CSNK2A2IP: variants seen among roughly 807,000 people sequenced by gnomAD.
CSNK2A2IP encodes casein kinase 2 subunit alpha' interacting protein, also known as casein kinase II subunit alpha'-interacting protein.
the CSNK2A2IP span, among the ~76,000 whole-genome samples, chr3:88,408,078 G>T: frequency 6.6e-6 from 1 of 152,156 alleles, no homozygotes; most frequent in Non-Finnish European, 1.5e-5. Context: ...CAATAAAGCA[G>T]TATATTCAGT....
the CSNK2A2IP span, among the ~76,000 whole-genome samples, chr3:88,390,327 A>G: frequency 6.6e-6 from 1 of 152,234 alleles, no homozygotes; most frequent in Non-Finnish European, 1.5e-5. Flanking sequence ...ACATCAGGTC[A>G]TGAGATTTTA....
the CSNK2A2IP span, among the ~76,000 whole-genome samples, chr3:88,379,971 A>G: frequency 6.6e-6 from 1 of 152,140 alleles, no homozygotes; most frequent in Non-Finnish European, 1.5e-5. Flanking sequence ...TATGGCCACT[A>G]TATTAAACGT....
At chr3:88,393,178 G>T in the CSNK2A2IP span, among the ~76,000 whole-genome samples, 3 of 152,134 alleles carry the variant, frequency 2.0e-5, no homozygotes, top group Non-Finnish European at 4.4e-5. Context: ...GTAAGAGAAG[G>T]TTTGATATAG....
the CSNK2A2IP span, among the ~76,000 whole-genome samples, chr3:88,348,161 T>G: frequency 2.0e-5 from 3 of 150,766 alleles, no homozygotes; most frequent in Non-Finnish European, 4.4e-5. Context: ...AATTGTCCTT[T>G]GACCATGTAG....
chr3:88,425,534 G>C, the CSNK2A2IP span, among the ~76,000 whole-genome samples: 2 of 151,874 alleles, frequency 1.3e-5, no homozygotes, highest in Non-Finnish European at 2.9e-5. Flanking sequence ...CTGTTTTCTT[G>C]TCAATTGTAT....
chr3:88,392,247 A>G, the CSNK2A2IP span, among the ~76,000 whole-genome samples: 1 of 152,216 alleles, frequency 6.6e-6, no homozygotes, highest in African/African-American at 2.4e-5. Context: ...GAATTTGTGA[A>G]TGTGTTAGAA....
chr3:88,391,713 A>G, the CSNK2A2IP span, among the ~76,000 whole-genome samples: 1 of 152,200 alleles, frequency 6.6e-6, no homozygotes, highest in Admixed American at 6.5e-5. Context: ...TAATAAACTC[A>G]TCATCTTTGG....
At chr3:88,377,159 T>C in the CSNK2A2IP span, among the ~76,000 whole-genome samples, 1 of 151,808 alleles carries the variant, frequency 6.6e-6, no homozygotes, top group Non-Finnish European at 1.5e-5. Context: ...TCCAGACCCT[T>C]ATTTCCACTG....
the CSNK2A2IP span, among the ~76,000 whole-genome samples, chr3:88,350,860 G>A: frequency 6.6e-6 from 1 of 152,124 alleles, no homozygotes; most frequent in Non-Finnish European, 1.5e-5. Flanking sequence ...ATGCTCCCAT[G>A]ATCTGTTGGT....
chr3:88,377,814 C>T, the CSNK2A2IP span, among the ~76,000 whole-genome samples: 15,160 of 151,826 alleles, frequency 0.1, 877 homozygotes, highest in East Asian at 0.21. Flanking sequence ...AACCAACACA[C>T]AGAACTGCAT....
At chr3:88,418,457 T>TGC in the CSNK2A2IP span, among the ~76,000 whole-genome samples, 1 of 93,246 alleles carries the variant, frequency 1.1e-5, no homozygotes, top group African/African-American at 3.9e-5. Context: ...TGTGTGTGTG[T>TGC]GTGTGTGCGC....
chr3:88,440,192 C>G, the CSNK2A2IP span, among the ~76,000 whole-genome samples: 1 of 152,034 alleles, frequency 6.6e-6, no homozygotes, highest in South Asian at 2.1e-4. Flanking sequence ...AAATATTTTT[C>G]CATGTATTTT....
chr3:88,367,423 TGA>T, the CSNK2A2IP span, among the ~76,000 whole-genome samples: 2 of 152,098 alleles, frequency 1.3e-5, no homozygotes, highest in Non-Finnish European at 1.5e-5. Context: ...CTTGAGATTA[TGA>T]GAGTGGCTTA....
At chr3:88,422,356 A>T in the CSNK2A2IP span, among the ~76,000 whole-genome samples, 1 of 152,180 alleles carries the variant, frequency 6.6e-6, no homozygotes, top group Admixed American at 6.5e-5. Flanking sequence ...ACTGCTTATT[A>T]TCTGGTGCCT....
chr3:88,451,401 G>A, the CSNK2A2IP span, among the ~76,000 whole-genome samples: 3 of 142,970 alleles, frequency 2.1e-5, no homozygotes, highest in Non-Finnish European at 3.0e-5. Flanking sequence ...TGTCTATTAA[G>A]AGTTTTGCCT....
the CSNK2A2IP span, among the ~76,000 whole-genome samples, chr3:88,363,446 G>A: frequency 1.3e-5 from 2 of 152,100 alleles, no homozygotes; most frequent in Non-Finnish European, 2.9e-5. Context: ...ATTGAATACA[G>A]TTAGTATAAC....
At chr3:88,407,324 G>GTC in the CSNK2A2IP span, among the ~76,000 whole-genome samples, 1 of 150,788 alleles carries the variant, frequency 6.6e-6, no homozygotes, top group Non-Finnish European at 1.5e-5. Context: ...GAGAGGGAGG[G>GTC]TCTGAATGCA....
At chr3:88,453,842 C>T in the CSNK2A2IP span, among the ~76,000 whole-genome samples, 1 of 152,086 alleles carries the variant, frequency 6.6e-6, no homozygotes, top group South Asian at 2.1e-4. Context: ...ATTCATTTGT[C>T]TACTGATGGA....
chr3:88,393,592 A>C, the CSNK2A2IP span, among the ~76,000 whole-genome samples: 1 of 152,318 alleles, frequency 6.6e-6, no homozygotes, highest in Non-Finnish European at 1.5e-5. Flanking sequence ...TTAAAGACAA[A>C]GTGTAAGTGC....
Sources: gnomAD v4.1 joint callset for allele counts (sites outside exome capture counted in the v4.1 genomes callset) on GRCh38, gnomAD v4.1.1 for gene constraint, MANE v1.5 for transcripts, NCBI Gene and HGNC (gene_info 2026-07-23, HGNC 2026-07-21) for gene names.